Variants in ATP6V0A1 observed in about 807,000 individuals in gnomAD.
The protein encoded by ATP6V0A1 is ATPase H+ transporting V0 subunit a1.
ATP6V0A1 carries 43 observed loss-of-function variants against 105.4 expected under a neutral mutation model. The observed-to-expected ratio is 0.41, with a 90% CI of 0.32 to 0.53. The LOEUF (loss-of-function observed/expected upper bound fraction) is 0.53. Among genes scored for constraint, ATP6V0A1 ranks in the 20% least tolerant of loss-of-function variants. ATP6V0A1 has a pLI of 0.30. For synonymous variants in ATP6V0A1, 362 were observed against 372.8 expected (o/e 0.97, Z 0.33); for missense variants, 676 against 1,051.1 (o/e 0.64, Z 4.93).
intron 14 of ATP6V0A1, among the ~76,000 whole-genome samples, chr17:42,497,342 G>T (rs36023314): frequency 0.16 from 24,079 of 147,620 alleles, 2,268 homozygotes; most frequent in South Asian, 0.29. Flanking sequence ...ACAGATCAGA[G>T]AAATTTGAAT....
At chr17:42,474,614 A>G (rs912813052) in intron 5 of ATP6V0A1, among the ~76,000 whole-genome samples, 14 of 152,238 alleles carry the variant, frequency 9.2e-5, no homozygotes, top group African/African-American at 3.4e-4. Flanking sequence ...TGCGAAAGAT[A>G]GGACACTTGG....
chr17:42,485,975 G>T (rs1316108367), intron 9 of ATP6V0A1, among the ~76,000 whole-genome samples: 1 of 152,156 alleles, frequency 6.6e-6, no homozygotes, highest in East Asian at 1.9e-4. Flanking sequence ...ACCTTCCTCT[G>T]CCCAAGACAA....
chr17:42,517,195 G>A (rs1292417932), intron 21 of ATP6V0A1, among the ~76,000 whole-genome samples: 10 of 152,124 alleles, frequency 6.6e-5, no homozygotes, highest in African/African-American at 1.7e-4. Context: ...CAAGAGAATC[G>A]CTTGAACCCA....
intron 10 of ATP6V0A1, among the ~76,000 whole-genome samples, chr17:42,487,685 G>A (rs1215054169): frequency 4.0e-5 from 6 of 151,778 alleles, no homozygotes; most frequent in African/African-American, 1.2e-4. Context: ...CTGAGATTGC[G>A]CCACTGCATT....
chr17:42,508,135 G>A (rs1480317993), intron 18 of ATP6V0A1, among the ~76,000 whole-genome samples: 1 of 152,176 alleles, frequency 6.6e-6, no homozygotes, highest in Non-Finnish European at 1.5e-5. Context: ...TACAGGGAGA[G>A]AGAGAATTAG....
chr17:42,468,941 G>C (rs373066171), intron 4 of ATP6V0A1, among the ~76,000 whole-genome samples: 2 of 152,082 alleles, frequency 1.3e-5, no homozygotes, highest in South Asian at 4.1e-4. Context: ...TGCCTCCCAG[G>C]CTCAAGCAGT....
At chr17:42,508,763 T>C (rs1415770606) in intron 19 of ATP6V0A1, among the ~76,000 whole-genome samples, 174 bp downstream of exon 19, 1 of 152,230 alleles carries the variant, frequency 6.6e-6, no homozygotes. Context: ...AAAGCTCATC[T>C]CCATTAACTG....
rs149995421 is a variant in ATP6V0A1 at position 42,497,067 on chromosome 17, C to T, written c.1560+1351C>T. 5.6e-3 allele frequency among the ~76,000 whole-genome samples: 855 copies of T among 151,420 alleles called. 7 individuals are homozygous for T. Among genetic ancestry groups the T allele is most frequent in the African/African-American group, 0.02 (827 of 41,234 alleles). On this transcript the variant is annotated intron_variant, in intron 14 of 21. Transcript: ENST00000343619. ...CTGTAATCCCAGCACTTTGGGAGGC[C>T]GAGGCAGACAGATGACTTGCGGTCA... is the stretch of plus-strand genomic sequence containing the variant.
At chr17:42,517,805 C>T (rs960535844) in intron 21 of ATP6V0A1, 3 of 152,308 alleles carry the variant, frequency 2.0e-5, no homozygotes, top group African/African-American at 7.2e-5. Context: ...CCATCCTAGG[C>T]ATCTTCATAC....
intron 21 of ATP6V0A1, among the ~76,000 whole-genome samples, chr17:42,515,612 G>A (rs758140110): frequency 6.6e-6 from 1 of 151,962 alleles, no homozygotes; most frequent in East Asian, 1.9e-4. Context: ...ATGGAGAAAC[G>A]CTGTCTCTAC....
At chr17:42,488,848 A>G (rs2090357798) in intron 10 of ATP6V0A1, among the ~76,000 whole-genome samples, 1 of 151,656 alleles carries the variant, frequency 6.6e-6, no homozygotes, top group South Asian at 2.1e-4. Context: ...CCCCGTCTCT[A>G]CTAAAAATAC....
At chr17:42,492,656 A>G (rs56143576) in intron 11 of ATP6V0A1, among the ~76,000 whole-genome samples, 16,948 of 145,000 alleles carry the variant, frequency 0.12, 1,332 homozygotes, top group Admixed American at 0.18. Context: ...CCGTGAGCCG[A>G]TATTGCATTA....
chr17:42,476,216 T>C (rs1244145829), intron 5 of ATP6V0A1, among the ~76,000 whole-genome samples: 1 of 152,220 alleles, frequency 6.6e-6, no homozygotes, highest in Non-Finnish European at 1.5e-5. Flanking sequence ...TTTTCCAATC[T>C]CATGACAGTA....
intron 1 of ATP6V0A1, chr17:42,459,171 C>A (rs1396681590): frequency 3.3e-5 from 5 of 152,212 alleles, no homozygotes; most frequent in Admixed American, 1.3e-4. Flanking sequence ...GCATCTCTTC[C>A]CTGCTTTAAG....
intron 19 of ATP6V0A1, among the ~76,000 whole-genome samples, chr17:42,509,562 G>A (rs1342422710): frequency 6.6e-6 from 1 of 152,246 alleles, no homozygotes; most frequent in Non-Finnish European, 1.5e-5. Context: ...ATCAAAGAGT[G>A]TCTGTGTTCC....
At chr17:42,492,014 T>C (rs1345645609) in intron 11 of ATP6V0A1, among the ~76,000 whole-genome samples, 1 of 152,136 alleles carries the variant, frequency 6.6e-6, no homozygotes, top group Non-Finnish European at 1.5e-5. Flanking sequence ...TGAGACCCCA[T>C]CTCTATTAAA....
intron 11 of ATP6V0A1, 114 bp downstream of exon 11, chr17:42,490,751 C>T (rs1372404499): frequency 3.4e-6 from 4 of 1,172,378 alleles, no homozygotes; most frequent in Admixed American, 5.6e-5. Context: ...TGCAGCAGCA[C>T]GACTGTAGTT....
At chr17:42,520,232 A>G (rs926732288) in intron 21 of ATP6V0A1, 7 of 353,712 alleles carry the variant, frequency 2.0e-5, no homozygotes, top group Admixed American at 1.1e-4. Context: ...TGAATCATGC[A>G]TTTTTCTGCC....
At chr17:42,469,416 C>T (rs548655952) in intron 4 of ATP6V0A1, among the ~76,000 whole-genome samples, 42 of 150,524 alleles carry the variant, frequency 2.8e-4, no homozygotes, top group African/African-American at 1.0e-3. Context: ...CTGCAACCTC[C>T]GCCTCCCGGG....
Sources: allele counts gnomAD v4.1 joint callset (sites outside exome capture counted in the v4.1 genomes callset), GRCh38; gene constraint gnomAD v4.1.1; transcripts MANE v1.5; gene names NCBI Gene and HGNC (gene_info 2026-07-23, HGNC 2026-07-21).